Variants in NNAT observed in about 807,000 individuals in gnomAD.
NNAT encodes neuronatin.
In NNAT, 8 loss-of-function variants were observed where a neutral mutation model predicts 12.7. The observed-to-expected ratio is 0.63, with a 90% CI of 0.37 to 1.14. The LOEUF (loss-of-function observed/expected upper bound fraction) is 1.14, where lower values mean the gene tolerates loss of function less well. NNAT is among the 50% of genes most tolerant of loss of function. NNAT has a pLI of 0.01. For missense variants in NNAT, 94 were observed against 108.3 expected, an observed-to-expected ratio of 0.87 and a Z score of 0.59; for synonymous variants, 52 against 48.5, an observed-to-expected ratio of 1.07 and a Z score of -0.30.
Position 37,522,442 on chromosome 20 carries a change from T to A in NNAT, c.153+4T>A. 3 of 1,613,188 alleles carry A rather than the reference T, an allele frequency of 1.9e-6. No individual in the cohort carries two copies. Among genetic ancestry groups the A allele is most frequent in the Non-Finnish European group, 2.5e-6 (3 of 1,179,508 alleles). On this transcript the variant is annotated splice_donor_region_variant and intron_variant, in intron 2 of 2. Transcript: ENST00000649451. Reference sequence around the variant, plus strand: ...ACAGCCCATTGCGAGAAGTGAGGTATACCTAAGTTGTGGGTCCAATCAGCT... The same window carrying A: ...ACAGCCCATTGCGAGAAGTGAGGTAAACCTAAGTTGTGGGTCCAATCAGCT...
chr20:37,522,600 A>G, intron 2 of NNAT, 67 bp from the exon 3 acceptor site: 2 of 1,475,098 alleles, frequency 1.4e-6, no homozygotes, highest in Non-Finnish European at 1.8e-6. Flanking sequence ...GGGGGTGGGC[A>G]CGGCAGCACC....
intron 2 of NNAT, 69 bp from the exon 3 acceptor site, chr20:37,522,598 G>GGGGGGGGGGCCCC: frequency 2.3e-6 from 2 of 864,460 alleles, no homozygotes; most frequent in East Asian, 4.6e-5. Context: ...GCGGGGGTGG[G>GGGGGGGGGGCCCC]CACGGCAGCA....
Position 37,522,522 on chromosome 20 carries a change from G to C in NNAT, c.153+84G>C. 1.0e-5 allele frequency: 15 copies of C among 1,456,896 alleles called. No homozygotes were observed. The South Asian group carries it at 1.8e-4, about 17-fold the overall frequency. 90.2% of individuals were successfully genotyped at this position (1,456,896 alleles called of 1,614,324 possible). ...AAAAGCTCCAGCTGCCCTGACTCGT[G>C]GACAAGCTGCGCCCGCGCCCGCCTC... On this transcript the variant is annotated intron_variant, in intron 2 of 2. Transcript: ENST00000649451.
Position 37,522,787 on chromosome 20 carries a change from G to T in NNAT, c.*28G>T. The stretch of plus-strand genomic sequence containing the variant: ...CCCCAGCTCCCAGCCCTGGGCGGCC[G>T]TATCATCAGGTGCTCCTGTGCATCT... On this transcript the variant is annotated 3_prime_UTR_variant, in exon 3 of 3. Transcript: ENST00000649451. 2 of 1,552,270 alleles carry T rather than the reference G, an allele frequency of 1.3e-6. No individual in the cohort carries two copies. Among genetic ancestry groups the T allele is most frequent in the East Asian group, 2.4e-5 (1 of 42,510 alleles).
In NNAT at chr20:37,521,548, C is replaced by T. The variant is rs912105416; in HGVS notation, c.72+145C>T. 1.9e-5 allele frequency: 15 copies of T among 789,426 alleles called. No individual in the cohort carries two copies. The African/African-American group carries it at 2.0e-4, about 11-fold the overall frequency. The allele number at this position is 789,426 out of a possible 1,614,324, so 48.9% of individuals were successfully genotyped here. A position where few individuals can be genotyped will look rare whatever the true frequency, so the allele number is the denominator to read the frequency against. On this transcript the variant is annotated intron_variant, in intron 1 of 2. Transcript: ENST00000649451. This position sits in a 1 kb window ranked among gnomAD's most constrained non-coding sequence, Gnocchi z 4.5. ...CCTGCCCAAGTGCCGCTGCCGGCAC[C>T]GCGCGCCCCCTGCCCATTCCCTGCG...
Position 37,522,878 on chromosome 20 carries a change from C to G in NNAT, c.*119C>G. 5 of 891,928 alleles carry G rather than the reference C, an allele frequency of 5.6e-6. No individual in the cohort carries two copies. Among genetic ancestry groups the G allele is most frequent in the Non-Finnish European group, 8.3e-6 (5 of 599,504 alleles). 55.3% of individuals were successfully genotyped at this position (891,928 alleles called of 1,614,324 possible). A position where few individuals can be genotyped will look rare whatever the true frequency, so the allele number is the denominator to read the frequency against. On this transcript the variant is annotated 3_prime_UTR_variant, in exon 3 of 3. Transcript: ENST00000649451. ...CCCCTGTGTTCCCTCGCCAGAGGAG[C>G]ACTTGGCAAGGTCAGTGAGGGGCCA...
At chr20:37,522,337 G>A in intron 1 of NNAT, 21 bp from the exon 2 acceptor site, 2 of 1,609,842 alleles carry the variant, frequency 1.2e-6, no homozygotes, top group Non-Finnish European at 1.7e-6. Flanking sequence ...TTTGCCAAAG[G>A]AATCGCATAT....
In NNAT at chr20:37,522,414, G is replaced by C. The variant is rs1296731216; in HGVS notation, c.129G>C (p.Gly43=). Residue 43 remains glycine (G), a synonymous_variant, in exon 2 of 3, where the codon GGG becomes GGC. Transcript: ENST00000649451. The part of the protein sequence containing the change: ...WVGFAFRNPP[G]TQPIARSEVF... ...GATTCGCTTTTCGAAATCCTCCAGG[G>C]ACACAGCCCATTGCGAGAAGTGAGG... is the stretch of plus-strand genomic sequence containing the variant. The C allele has an allele frequency of 3.1e-6, 5 of 1,613,896 alleles. No individual in the cohort carries two copies. In the African/African-American group the frequency reaches 6.7e-5, roughly 22 times the overall value.
chr20:37,522,377 T>C lies in NNAT; in HGVS notation c.92T>C (p.Ile31Thr), dbSNP rs141483339. The change falls in exon 2 of 3, where the codon ATT becomes ACT. Residue 31 changes from isoleucine to threonine, a missense_variant. Physicochemically the swap from Ile to Thr is moderately conservative, Grantham distance 89. Coordinates refer to ENST00000649451, the MANE Select transcript of NNAT (RefSeq NM_005386.4). ...TTCAAGGTGTTCCTGGAATGCTGCA[T>C]TTACTGGGTAGGATTCGCTTTTCGA... ...VLLQVFLECC[I>T]YWVGFAFRNP... The C allele has an allele frequency of 3.1e-6, 5 of 1,613,806 alleles. No homozygotes were observed. The African/African-American group carries it at 4.0e-5, about 13-fold the overall frequency.
At chr20:37,522,533 G>A (rs1300995921) in intron 2 of NNAT, 95 bp downstream of exon 2, 1 of 1,158,626 alleles carries the variant, frequency 8.6e-7, no homozygotes, top group South Asian at 1.5e-5. Flanking sequence ...GACAAGCTGC[G>A]CCCGCGCCCG....
At position 37,522,820 on chromosome 20, in the gene NNAT, C is replaced by A; in HGVS notation, c.*61C>A. The A allele has an allele frequency of 6.9e-7, 1 of 1,455,458 alleles. No individual in the cohort carries two copies. Among genetic ancestry groups the A allele is most frequent in the Admixed American group, 2.1e-5 (1 of 47,646 alleles). The allele number at this position is 1,455,458 out of a possible 1,614,324, so 90.2% of individuals were successfully genotyped here. Reference sequence around the variant, plus strand: ...AGGTGCTCCTGTGCATCTCGGCCAGCACGGGAGCCAGTGCCGCGCAGGAAT... The same window carrying A: ...AGGTGCTCCTGTGCATCTCGGCCAGAACGGGAGCCAGTGCCGCGCAGGAAT... On this transcript the variant is annotated 3_prime_UTR_variant, in exon 3 of 3. Transcript: ENST00000649451.
chr20:37,522,703 G>A lies in NNAT; in HGVS notation c.190G>A (p.Val64Met), dbSNP rs142166964. The A allele has an allele frequency of 1.9e-5, 30 of 1,612,208 alleles. No homozygotes were observed. Among genetic ancestry groups the A allele is most frequent in the Non-Finnish European group, 2.4e-5 (28 of 1,179,550 alleles). Reference protein sequence around the residue: ...RYSLQKLAYTVSRTGRQVLGE... With the variant: ...RYSLQKLAYTMSRTGRQVLGE... ...CTCCCTGCAGAAGCTGGCATACACG[G>A]TGTCGCGGACCGGGCGGCAGGTGTT... Residue 64 changes from valine to methionine, a missense_variant, in exon 3 of 3, where the codon GTG (valine) becomes ATG (methionine). Val to Met is a conservative substitution (Grantham distance 21). Coordinates refer to ENST00000649451, the MANE Select transcript of NNAT (RefSeq NM_005386.4).
intron 2 of NNAT, 73 bp downstream of exon 2, chr20:37,522,511 C>T: frequency 6.6e-7 from 1 of 1,503,832 alleles, no homozygotes. Flanking sequence ...GCTCCAGCTG[C>T]CCTGACTCGT....
In NNAT at chr20:37,521,842, C is replaced by T. The variant is rs1463247492; in HGVS notation, c.72+439C>T. On this transcript the variant is annotated intron_variant, in intron 1 of 2. Transcript: ENST00000649451. This position sits in a 1 kb window ranked among gnomAD's most constrained non-coding sequence, Gnocchi z 4.5. ...TATTTAAAAAAACATATAGCGCTTG[C>T]GGGGGTGGAACAAAAAATAAGTTAG... 6.5e-6 allele frequency: 1 copy of T among 154,948 alleles called. No homozygotes were observed. Among genetic ancestry groups the T allele is most frequent in the African/African-American group, 2.5e-5 (1 of 40,390 alleles). 9.6% of individuals were successfully genotyped at this position (154,948 alleles called of 1,614,324 possible).
chr20:37,522,907 G>A lies in NNAT; in HGVS notation c.*148G>A. 1 of 629,280 alleles carries A rather than the reference G, an allele frequency of 1.6e-6. No individual in the cohort carries two copies. The highest frequency in any genetic ancestry group is 2.7e-6 in the Non-Finnish European group (1 of 367,750). 39.0% of individuals were successfully genotyped at this position (629,280 alleles called of 1,614,324 possible). Reference sequence around the variant, plus strand: ...TGGCAAGGTCAGTGAGGGGCCAGTAGACCCCCGGAGAAGCAGTACCGACAA... The same window carrying A: ...TGGCAAGGTCAGTGAGGGGCCAGTAAACCCCCGGAGAAGCAGTACCGACAA... On this transcript the variant is annotated 3_prime_UTR_variant, in exon 3 of 3. Transcript: ENST00000649451.
Position 37,521,481 on chromosome 20 carries a change from C to A in NNAT, c.72+78C>A, listed in dbSNP as rs2071570370. The A allele has an allele frequency of 1.4e-6, 2 of 1,414,632 alleles. No homozygotes were observed. The highest frequency in any genetic ancestry group is 2.0e-6 in the Non-Finnish European group (2 of 999,756). The allele number at this position is 1,414,632 out of a possible 1,614,324, so 87.6% of individuals were successfully genotyped here. A position where few individuals can be genotyped will look rare whatever the true frequency, so the allele number is the denominator to read the frequency against. ...AACCCGCAAGACTGCGTCGCGATTG[C>A]CGCTTCCCGGACCCGTCCTATTCCG... On this transcript the variant is annotated intron_variant, in intron 1 of 2. Coordinates refer to ENST00000649451, the MANE Select transcript of NNAT (RefSeq NM_005386.4). This position sits in a 1 kb window ranked among gnomAD's most constrained non-coding sequence, Gnocchi z 4.5.
Position 37,521,640 on chromosome 20 carries a change from G to A in NNAT, c.72+237G>A. Reference sequence around the variant, plus strand: ...GCCAGGGAACAAAGACTCGGGGCGCGGCGGGCGACCGCTGCGGACGATCAC... The same window carrying A: ...GCCAGGGAACAAAGACTCGGGGCGCAGCGGGCGACCGCTGCGGACGATCAC... On this transcript the variant is annotated intron_variant, in intron 1 of 2. Coordinates refer to ENST00000649451, the MANE Select transcript of NNAT (RefSeq NM_005386.4). The surrounding 1 kb of genome is among the most constrained non-coding windows in gnomAD (Gnocchi z 4.5). The A allele has an allele frequency of 3.7e-6, 2 of 535,842 alleles. No individual in the cohort carries two copies. Among genetic ancestry groups the A allele is most frequent in the Non-Finnish European group, 6.7e-6 (2 of 299,038 alleles). The allele number at this position is 535,842 out of a possible 1,614,324, so 33.2% of individuals were successfully genotyped here.
intron 2 of NNAT, 45 bp from the exon 3 acceptor site, chr20:37,522,622 G>A (rs1402264630): frequency 6.5e-7 from 1 of 1,542,852 alleles, no homozygotes. Context: ...CAGACATGCT[G>A]TGGGTGCTCT....
At position 37,521,759 on chromosome 20, in the gene NNAT, T is replaced by G; in HGVS notation, c.72+356T>G. ...GGGGCACTACTGTGTTGAAAGACTT[T>G]ACAGCTCGCAGAGTGAAAATTTTCC... On this transcript the variant is annotated intron_variant, in intron 1 of 2. Transcript: ENST00000649451. The surrounding 1 kb of genome is among the most constrained non-coding windows in gnomAD (Gnocchi z 4.5). 4.9e-6 allele frequency: 1 copy of G among 203,600 alleles called. No homozygotes were observed. Among genetic ancestry groups the G allele is most frequent in the Non-Finnish European group, 9.8e-6 (1 of 101,786 alleles). 12.6% of individuals were successfully genotyped at this position (203,600 alleles called of 1,614,324 possible).
Sources: gnomAD v4.1 joint callset for allele counts on GRCh38, gnomAD v4.1.1 for gene constraint, Gnocchi (gnomAD v3.1) non-coding constraint, MANE v1.5 for transcripts, NCBI Gene and HGNC (gene_info 2026-07-23, HGNC 2026-07-21) for gene names.